Variants in NPR3 observed in about 807,000 individuals in gnomAD.
NPR3 encodes the protein natriuretic peptide receptor 3, also known as atrial natriuretic peptide receptor 3.
NPR3 carries 34 observed loss-of-function variants against 54.5 expected under a neutral mutation model. That is an observed-to-expected ratio of 0.62 (90% CI 0.47 to 0.83). NPR3 has a LOEUF of 0.83. Ranked by LOEUF, NPR3 falls within the 40% of genes least tolerant of loss-of-function variation. The probability of loss-of-function intolerance (pLI) is 0.00; values close to 1 mark genes in which losing one functional copy is unlikely to be tolerated. For synonymous variants in NPR3, 289 were observed against 297.1 expected (o/e 0.97, Z 0.28); for missense variants, 674 against 720.8 (o/e 0.94, Z 0.74).
intron 1 of NPR3, among the ~76,000 whole-genome samples, chr5:32,704,189 G>A (rs751711610): frequency 6.6e-6 from 1 of 152,180 alleles, no homozygotes; most frequent in Non-Finnish European, 1.5e-5. Context: ...TCTCTCAAGT[G>A]CACAGATTCT....
rs1485462974 is a variant in NPR3, at chr5:32,711,805, C to T, written c.29C>T (p.Ser10Phe). 23 of 1,443,338 alleles carry T rather than the reference C, an allele frequency of 1.6e-5. No homozygotes were observed. In the East Asian group the frequency reaches 5.4e-4, roughly 34 times the overall value. 89.4% of individuals were successfully genotyped at this position (1,443,338 alleles called of 1,614,324 possible). A position where few individuals can be genotyped will look rare whatever the true frequency, so the allele number is the denominator to read the frequency against. Residue 10 changes from serine to phenylalanine, a missense_variant, in exon 1 of 8, where the codon TCC becomes TTC. By Grantham distance (155) the Ser-to-Phe change is radical. Transcript: ENST00000265074. ...CCGTCTCTGCTGGTGCTCACTTTCT[C>T]CCCGTGCGTACTACTCGGCTGGGCG... is the stretch of plus-strand genomic sequence containing the variant. MPSLLVLTF[S>F]PCVLLGWALL...
At chr5:32,703,182 T>G (rs1030190510) in intron 1 of NPR3, among the ~76,000 whole-genome samples, 13 of 152,174 alleles carry the variant, frequency 8.5e-5, no homozygotes, top group African/African-American at 3.1e-4. Context: ...TCAGTTAGCT[T>G]GTCATAAATG....
chr5:32,693,921 T>A (rs188301536), intron 1 of NPR3, among the ~76,000 whole-genome samples: 6 of 152,386 alleles, frequency 3.9e-5, no homozygotes, highest in African/African-American at 9.6e-5. Context: ...TCATACAATC[T>A]GCTTCCGGCT....
At chr5:32,747,528 C>T (rs769789949) in intron 3 of NPR3, among the ~76,000 whole-genome samples, 2 of 152,072 alleles carry the variant, frequency 1.3e-5, no homozygotes, top group Non-Finnish European at 2.9e-5. Context: ...TTATTTGCTT[C>T]TGTGCCTATG....
intron 3 of NPR3, among the ~76,000 whole-genome samples, chr5:32,768,829 C>T (rs192310758): frequency 6.6e-6 from 1 of 151,752 alleles, no homozygotes; most frequent in Admixed American, 6.5e-5. Context: ...TCAGATCCCA[C>T]CCTAAGTAAG....
At chr5:32,736,751 C>T (rs1320398832) in intron 2 of NPR3, among the ~76,000 whole-genome samples, 2 of 152,140 alleles carry the variant, frequency 1.3e-5, no homozygotes, top group African/African-American at 4.8e-5. Flanking sequence ...TATGGCTCTG[C>T]TCACACTGTG....
At chr5:32,752,634 C>A (rs1486632990) in intron 3 of NPR3, among the ~76,000 whole-genome samples, 1 of 152,090 alleles carries the variant, frequency 6.6e-6, no homozygotes, top group African/African-American at 2.4e-5. Context: ...GAGGGCTTTG[C>A]TAATTGTATT....
At chr5:32,731,870 G>C (rs963367569) in intron 2 of NPR3, among the ~76,000 whole-genome samples, 1 of 152,116 alleles carries the variant, frequency 6.6e-6, no homozygotes, top group Admixed American at 6.6e-5. Context: ...GAAGTTGAGG[G>C]CAGGGATGAT....
intron 3 of NPR3, among the ~76,000 whole-genome samples, chr5:32,755,685 A>C (rs1199078605): frequency 6.6e-6 from 1 of 152,208 alleles, no homozygotes; most frequent in East Asian, 1.9e-4. Flanking sequence ...ATTTCTTAGA[A>C]GAGTGGTTTG....
At chr5:32,751,727 A>AATATGAAAC (rs1382448446) in intron 3 of NPR3, among the ~76,000 whole-genome samples, 1 of 152,206 alleles carries the variant, frequency 6.6e-6, no homozygotes, top group African/African-American at 2.4e-5. Flanking sequence ...CTGACACTCA[A>AATATGAAAC]ATATGAAACA....
At chr5:32,779,503 C>G (rs912043429) in intron 4 of NPR3, among the ~76,000 whole-genome samples, 1 of 152,210 alleles carries the variant, frequency 6.6e-6, no homozygotes, top group Non-Finnish European at 1.5e-5. Context: ...TCCAGCCTTA[C>G]GTGTCACTGA....
chr5:32,754,862 A>T (rs1740751791), intron 3 of NPR3, among the ~76,000 whole-genome samples: 2 of 151,982 alleles, frequency 1.3e-5, no homozygotes, highest in African/African-American at 2.4e-5. Flanking sequence ...AAGAGATTTA[A>T]TTTCTTTTTT....
chr5:32,746,240 A>G (rs1740291756), intron 3 of NPR3, among the ~76,000 whole-genome samples: 1 of 152,162 alleles, frequency 6.6e-6, no homozygotes, highest in African/African-American at 2.4e-5. Flanking sequence ...CGTTAGGTGG[A>G]TGTTTTCTTG....
At chr5:32,694,546 A>G (rs1740477934) in intron 1 of NPR3, among the ~76,000 whole-genome samples, 1 of 152,060 alleles carries the variant, frequency 6.6e-6, no homozygotes, top group Non-Finnish European at 1.5e-5. Flanking sequence ...TATTTTTATT[A>G]TTTGTCTAAT....
At chr5:32,740,722 C>T (rs1739993773) in intron 3 of NPR3, among the ~76,000 whole-genome samples, 1 of 151,900 alleles carries the variant, frequency 6.6e-6, no homozygotes, top group Non-Finnish European at 1.5e-5. Flanking sequence ...TAATGTATTT[C>T]TTGTACTATG....
chr5:32,789,374 C>G lies in NPR3; in HGVS notation c.*3029C>G, dbSNP rs1333703913. On this transcript the variant is annotated 3_prime_UTR_variant, in exon 8 of 8. Coordinates refer to ENST00000265074, the MANE Select transcript of NPR3 (RefSeq NM_001204375.2). ...AAAGAATTTTTTGTATAGAGTCCATCTCTCCCTCAAGACTGACCACAGGTT... is the reference window on the plus strand; with the variant it reads ...AAAGAATTTTTTGTATAGAGTCCATGTCTCCCTCAAGACTGACCACAGGTT... The G allele has an allele frequency of 2.1e-6, 1 of 468,792 alleles. No individual in the cohort carries two copies. Among genetic ancestry groups the G allele is most frequent in the African/African-American group, 2.0e-5 (1 of 49,226 alleles). 29.0% of individuals were successfully genotyped at this position (468,792 alleles called of 1,614,324 possible).
intron 3 of NPR3, among the ~76,000 whole-genome samples, chr5:32,745,346 C>G (rs953933832): frequency 1.3e-5 from 2 of 152,178 alleles, no homozygotes; most frequent in African/African-American, 4.8e-5. Context: ...TTGCCAAGTA[C>G]CCGCCTGGCC....
At chr5:32,765,074 C>T (rs528152519) in intron 3 of NPR3, among the ~76,000 whole-genome samples, 81 of 152,086 alleles carry the variant, frequency 5.3e-4, no homozygotes, top group Non-Finnish European at 1.0e-3. Flanking sequence ...TTACTCATTC[C>T]CTGGCTGAGA....
chr5:32,710,217 C>G (rs1176570839), upstream of NPR3: 2 of 152,284 alleles, frequency 1.3e-5, no homozygotes, highest in Admixed American at 6.5e-5. Flanking sequence ...GACTGGGTCT[C>G]CGAGGCAGGA....
Sources: gnomAD v4.1 joint callset for allele counts (sites outside exome capture counted in the v4.1 genomes callset) on GRCh38, gnomAD v4.1.1 for gene constraint, MANE v1.5 for transcripts, NCBI Gene and HGNC (gene_info 2026-07-23, HGNC 2026-07-21) for gene names.